Variants in PRDM16 observed in about 807,000 individuals in gnomAD.
PRDM16 encodes histone-lysine N-methyltransferase PRDM16.
PRDM16 carries 23 observed loss-of-function variants against 110.6 expected under a neutral mutation model. The observed-to-expected ratio is 0.21, with a 90% confidence interval of 0.15 to 0.29. The LOEUF (loss-of-function observed/expected upper bound fraction) is 0.29. Among genes scored for constraint, PRDM16 ranks in the 10% least tolerant of loss-of-function variants. PRDM16 has a pLI of 1.00. For missense variants in PRDM16, 1,615 were observed against 1,794.3 expected, an observed-to-expected ratio of 0.90 and a Z score of 1.81; for synonymous variants, 799 against 781.8, an observed-to-expected ratio of 1.02 and a Z score of -0.37.
chr1:3,308,083 A>G (rs1641354029), intron 3 of PRDM16: 2 of 152,302 alleles, frequency 1.3e-5, no homozygotes, highest in African/African-American at 4.8e-5. Flanking sequence ...TTTGGTGGGC[A>G]CTGCTCAGCT....
chr1:3,100,175 GA>G (rs1376237769), intron 1 of PRDM16, among the ~76,000 whole-genome samples: 1 of 152,182 alleles, frequency 6.6e-6, no homozygotes, highest in African/African-American at 2.4e-5. Context: ...TCCCTGGCTG[GA>G]GAGGTGGGGA....
At chr1:3,282,787 C>T (rs1404242460) in intron 3 of PRDM16, among the ~76,000 whole-genome samples, 6 of 152,256 alleles carry the variant, frequency 3.9e-5, no homozygotes, top group Middle Eastern at 3.4e-3. Context: ...TGAAGCCTGG[C>T]GAACGTGGGA....
intron 2 of PRDM16, among the ~76,000 whole-genome samples, chr1:3,204,952 C>T (rs759628983): frequency 2.0e-4 from 31 of 152,124 alleles, no homozygotes; most frequent in East Asian, 1.4e-3. Context: ...GAAGGCCCCG[C>T]GGGATTGTTA....
Position 3,190,793 on chromosome 1 carries a change from ATGATTTTCACAT to A in PRDM16, c.387+4321_387+4332del, listed in dbSNP as rs1265717887. ...GCTCGCCGTGGGGTCTGCAAAAACA[ATGATTTTCACAT>A]TTGTTGAGTAAATCATGACATTTAT... On this transcript the variant is annotated intron_variant, in intron 2 of 16. Coordinates refer to ENST00000270722, the MANE Select transcript of PRDM16 (RefSeq NM_022114.4). This position sits in a 1 kb window ranked among gnomAD's most constrained non-coding sequence, Gnocchi z 5.0. 6.6e-6 allele frequency among the ~76,000 whole-genome samples: 1 copy of A among 152,206 alleles called. No homozygotes were observed. Among genetic ancestry groups the A allele is most frequent in the Non-Finnish European group, 1.5e-5 (1 of 68,022 alleles).
chr1:3,284,046 G>T (rs1272174634), intron 3 of PRDM16, among the ~76,000 whole-genome samples: 1 of 152,122 alleles, frequency 6.6e-6, no homozygotes, highest in African/African-American at 2.4e-5. Flanking sequence ...AGCGGGCCTG[G>T]GGGGGCCTGG....
chr1:3,344,194 C>T (rs958888741), intron 3 of PRDM16, among the ~76,000 whole-genome samples: 3 of 152,044 alleles, frequency 2.0e-5, no homozygotes, highest in East Asian at 1.9e-4. Flanking sequence ...AACAATTAGT[C>T]GGTTGCGATG....
chr1:3,255,961 G>A lies in PRDM16; in HGVS notation c.438+11824G>A, dbSNP rs1303515893. Among the ~76,000 whole-genome samples, 3 of 146,460 alleles carry A rather than the reference G, an allele frequency of 2.0e-5. No homozygotes were observed. Among genetic ancestry groups the A allele is most frequent in the South Asian group, 2.2e-4 (1 of 4,484 alleles). Reference sequence around the variant, plus strand: ...CCACACCAACAGTACAGGGTGGAACGAGCTCCGCCTCTCAGGGGAGGGACA... The same window carrying A: ...CCACACCAACAGTACAGGGTGGAACAAGCTCCGCCTCTCAGGGGAGGGACA... On this transcript the variant is annotated intron_variant, in intron 3 of 16. Coordinates refer to ENST00000270722, the MANE Select transcript of PRDM16 (RefSeq NM_022114.4). The surrounding 1 kb of genome is among the most constrained non-coding windows in gnomAD (Gnocchi z 4.7).
At chr1:3,083,459 A>AGACACCTT (rs1335486322) in intron 1 of PRDM16, among the ~76,000 whole-genome samples, 1 of 152,192 alleles carries the variant, frequency 6.6e-6, no homozygotes, top group Non-Finnish European at 1.5e-5. Flanking sequence ...TGGCCCAGGG[A>AGACACCTT]GACACCTTTC....
intron 1 of PRDM16, among the ~76,000 whole-genome samples, chr1:3,077,651 G>T (rs1641930236): frequency 6.6e-6 from 1 of 152,162 alleles, no homozygotes; most frequent in South Asian, 2.1e-4. Context: ...GGGGAGTTTT[G>T]TTTTTATCTC....
At chr1:3,099,274 C>T (rs1043406239) in intron 1 of PRDM16, among the ~76,000 whole-genome samples, 4 of 152,258 alleles carry the variant, frequency 2.6e-5, no homozygotes, top group African/African-American at 9.6e-5. Flanking sequence ...CACTGAGGGA[C>T]CCCGAATGAG....
At chr1:3,168,903 G>A (rs1643992918) in intron 1 of PRDM16, among the ~76,000 whole-genome samples, 1 of 152,166 alleles carries the variant, frequency 6.6e-6, no homozygotes, top group African/African-American at 2.4e-5. Flanking sequence ...CTGGAGCCAG[G>A]TGGTTGCTGC....
At chr1:3,385,414 G>A in intron 4 of PRDM16, 128 bp downstream of exon 4, 1 of 1,013,354 alleles carries the variant, frequency 9.9e-7, no homozygotes, top group Non-Finnish European at 1.5e-6. Flanking sequence ...CCAAGCCCTG[G>A]CCTGCAGTGG....
intron 3 of PRDM16, among the ~76,000 whole-genome samples, chr1:3,280,526 A>T (rs1050635593): frequency 2.0e-5 from 3 of 152,168 alleles, no homozygotes; most frequent in African/African-American, 7.2e-5. Context: ...GTACATTCCA[A>T]CAAGGTCCGT....
At chr1:3,085,399 C>A (rs566302400) in intron 1 of PRDM16, among the ~76,000 whole-genome samples, 17 of 152,348 alleles carry the variant, frequency 1.1e-4, no homozygotes, top group African/African-American at 4.1e-4. Flanking sequence ...GAACAAGCTG[C>A]CAACTGCTGG....
At chr1:3,140,662 C>T (rs1004141103) in intron 1 of PRDM16, among the ~76,000 whole-genome samples, 2 of 152,252 alleles carry the variant, frequency 1.3e-5, no homozygotes, top group African/African-American at 2.4e-5. Context: ...GGGACAGCGT[C>T]GCCACCAGGC....
At chr1:3,357,078 A>G (rs1642618791) in intron 3 of PRDM16, among the ~76,000 whole-genome samples, 1 of 152,124 alleles carries the variant, frequency 6.6e-6, no homozygotes, top group South Asian at 2.1e-4. Flanking sequence ...GCGGGTGCAG[A>G]AAAGGAGTTT....
At position 3,353,229 on chromosome 1, in the gene PRDM16, G is replaced by A. The variant is rs1326576177; in HGVS notation, c.439-31923G>A. Among the ~76,000 whole-genome samples the A allele has an allele frequency of 6.6e-6, 1 of 152,232 alleles. No individual in the cohort carries two copies. Among genetic ancestry groups the A allele is most frequent in the Non-Finnish European group, 1.5e-5 (1 of 68,040 alleles). On this transcript the variant is annotated intron_variant, in intron 3 of 16. Coordinates refer to ENST00000270722, the MANE Select transcript of PRDM16 (RefSeq NM_022114.4). This position sits in a 1 kb window ranked among gnomAD's most constrained non-coding sequence, Gnocchi z 5.4. ...GTTAACCGGGTGTGAAATGCATGTT[G>A]CCTGAGGTGCGGTAAAAGTTTACGA...
At chr1:3,273,976 T>TAAA (rs927412647) in intron 3 of PRDM16, among the ~76,000 whole-genome samples, 1,037 of 68,482 alleles carry the variant, frequency 0.015, 51 homozygotes, top group African/African-American at 0.046. Flanking sequence ...TATGGGGAGG[T>TAAA]AAAAAAAAAA....
intron 2 of PRDM16, among the ~76,000 whole-genome samples, chr1:3,212,111 G>A (rs1569853469): frequency 6.6e-6 from 1 of 152,216 alleles, no homozygotes; most frequent in South Asian, 2.1e-4. Context: ...TCACCGGCTC[G>A]TGAAACCGTC....
Sources: allele counts gnomAD v4.1 joint callset (sites outside exome capture counted in the v4.1 genomes callset), GRCh38; gene constraint gnomAD v4.1.1; non-coding constraint Gnocchi (gnomAD v3.1); transcripts MANE v1.5; gene names NCBI Gene and HGNC (gene_info 2026-07-23, HGNC 2026-07-21).